Variants in EPHB1 observed in about 807,000 individuals in gnomAD.
EPHB1 encodes the protein EPH receptor B1.
A neutral mutation model predicts 94.4 loss-of-function variants in EPHB1; 30 were observed. The observed-to-expected ratio is 0.32, with a 90% CI of 0.24 to 0.43. EPHB1 has a LOEUF of 0.43. Among genes scored for constraint, EPHB1 ranks in the 20% least tolerant of loss-of-function variants. EPHB1 has a pLI of 1.00. For synonymous variants in EPHB1, 522 were observed against 489.1 expected (o/e 1.07, Z -0.89); for missense variants, 1,055 against 1,308.3 (o/e 0.81, Z 2.99).
At chr3:134,923,810 A>G (rs2107701180) in intron 1 of EPHB1, among the ~76,000 whole-genome samples, 1 of 152,252 alleles carries the variant, frequency 6.6e-6, no homozygotes, top group South Asian at 2.1e-4. Context: ...CTGCATTCAC[A>G]TCTCCTCCCT....
chr3:134,988,396 C>G (rs1174857227), intron 3 of EPHB1, among the ~76,000 whole-genome samples: 2 of 152,176 alleles, frequency 1.3e-5, no homozygotes, highest in East Asian at 3.8e-4. Context: ...TGTGCAGTCA[C>G]AGTCCTAAGC....
intron 13 of EPHB1, among the ~76,000 whole-genome samples, chr3:135,246,172 T>C (rs545820172): frequency 2.2e-4 from 34 of 152,168 alleles, no homozygotes; most frequent in African/African-American, 8.2e-4. Flanking sequence ...CTGGAAGACT[T>C]TGGGGACCCC....
chr3:134,980,255 C>T (rs1398727116), intron 3 of EPHB1, among the ~76,000 whole-genome samples: 4 of 152,060 alleles, frequency 2.6e-5, no homozygotes, highest in African/African-American at 7.2e-5. Flanking sequence ...CTTGAGCTTC[C>T]TCATAGCATG....
rs1388380041 is a variant in EPHB1 at position 134,978,013 on chromosome 3, A to G, written c.805+25961A>G. On this transcript the variant is annotated intron_variant, in intron 3 of 15. Coordinates refer to ENST00000398015, the MANE Select transcript of EPHB1 (RefSeq NM_004441.5). ...CCTTAGACAGCAGGATTGACATTGG[A>G]GGAGCCTGGTATTTCTGCCACACTC... The G allele has an allele frequency of 6.6e-6, 3 of 455,384 alleles. No individual in the cohort carries two copies. The Admixed American group carries it at 7.1e-5, about 11-fold the overall frequency. 28.2% of individuals were successfully genotyped at this position (455,384 alleles called of 1,614,324 possible). A position where few individuals can be genotyped will look rare whatever the true frequency, so the allele number is the denominator to read the frequency against.
At chr3:135,030,441 C>G (rs1324904623) in intron 3 of EPHB1, among the ~76,000 whole-genome samples, 1 of 152,190 alleles carries the variant, frequency 6.6e-6, no homozygotes, top group South Asian at 2.1e-4. Flanking sequence ...TTCCTTCTAA[C>G]AGACAGGACC....
chr3:135,059,799 C>G (rs562412693), intron 3 of EPHB1, among the ~76,000 whole-genome samples: 133 of 152,300 alleles, frequency 8.7e-4, no homozygotes, highest in African/African-American at 3.2e-3. Context: ...GATATGGGTT[C>G]TGACTCCAGT....
intron 1 of EPHB1, 79 bp downstream of exon 1, chr3:134,795,768 T>A: frequency 1.4e-6 from 2 of 1,477,330 alleles, no homozygotes; most frequent in Non-Finnish European, 1.9e-6. Context: ...TTCGCGGGGT[T>A]CCTCTGGCTG....
At chr3:135,203,516 AAG>A (rs1942813662) in intron 12 of EPHB1, among the ~76,000 whole-genome samples, 1 of 152,228 alleles carries the variant, frequency 6.6e-6, no homozygotes, top group African/African-American at 2.4e-5. Flanking sequence ...TTTGCCGGCT[AAG>A]AGGCAAAATG....
chr3:135,213,146 T>C (rs976966607), intron 12 of EPHB1, among the ~76,000 whole-genome samples: 1 of 152,250 alleles, frequency 6.6e-6, no homozygotes, highest in Non-Finnish European at 1.5e-5. Context: ...ATTCTCCACC[T>C]TGTTTTCCCC....
chr3:135,160,678 A>T (rs1941480833), intron 6 of EPHB1, among the ~76,000 whole-genome samples: 1 of 152,214 alleles, frequency 6.6e-6, no homozygotes, highest in East Asian at 1.9e-4. Context: ...TGCAAAGAAA[A>T]GATATGCTCC....
At chr3:134,940,527 T>C (rs1283963275) in intron 2 of EPHB1, among the ~76,000 whole-genome samples, 1 of 152,214 alleles carries the variant, frequency 6.6e-6, no homozygotes, top group Non-Finnish European at 1.5e-5. Context: ...GTAGCCACAC[T>C]GGCATCTTGG....
intron 1 of EPHB1, among the ~76,000 whole-genome samples, chr3:134,796,644 C>T (rs1455211445): frequency 1.3e-5 from 2 of 152,258 alleles, no homozygotes; most frequent in East Asian, 1.9e-4. Flanking sequence ...CCCCTTCCCC[C>T]GCCTCTGTTC....
chr3:135,109,980 A>G (rs1187435732), intron 4 of EPHB1, among the ~76,000 whole-genome samples: 2 of 152,200 alleles, frequency 1.3e-5, no homozygotes, highest in African/African-American at 4.8e-5. Context: ...TCGGAGGTGA[A>G]CAGCAATGTG....
At chr3:135,055,893 C>G (rs1163103687) in intron 3 of EPHB1, among the ~76,000 whole-genome samples, 1 of 152,176 alleles carries the variant, frequency 6.6e-6, no homozygotes, top group Non-Finnish European at 1.5e-5. Context: ...TGTATCTGTG[C>G]ACCTTCCTGT....
chr3:135,077,577 G>A (rs1281159567), intron 3 of EPHB1, among the ~76,000 whole-genome samples: 1 of 152,208 alleles, frequency 6.6e-6, no homozygotes, highest in Non-Finnish European at 1.5e-5. Context: ...CTAGGTAGGA[G>A]GAAGACGTGG....
chr3:134,847,460 A>G (rs920485995), intron 1 of EPHB1, among the ~76,000 whole-genome samples: 6 of 152,248 alleles, frequency 3.9e-5, no homozygotes, highest in African/African-American at 1.4e-4. Flanking sequence ...GGATTAAGTG[A>G]GATGCTGTGT....
chr3:134,855,596 A>C (rs1420059511), intron 1 of EPHB1, among the ~76,000 whole-genome samples: 3 of 152,232 alleles, frequency 2.0e-5, no homozygotes, highest in Non-Finnish European at 4.4e-5. Context: ...CTCCTGGTGC[A>C]GACTGAGCCA....
chr3:135,065,998 T>A (rs1937575808), intron 3 of EPHB1, among the ~76,000 whole-genome samples: 1 of 152,182 alleles, frequency 6.6e-6, no homozygotes, highest in Non-Finnish European at 1.5e-5. Context: ...GTGATAATTG[T>A]TTTGCTTGAG....
At chr3:135,217,871 C>A (rs1170134326) in intron 12 of EPHB1, among the ~76,000 whole-genome samples, 1 of 152,164 alleles carries the variant, frequency 6.6e-6, no homozygotes, top group Non-Finnish European at 1.5e-5. Flanking sequence ...CGGGTCGATC[C>A]ATCTGCCTGA....
Sources: gnomAD v4.1 joint callset for allele counts (sites outside exome capture counted in the v4.1 genomes callset) on GRCh38, gnomAD v4.1.1 for gene constraint, MANE v1.5 for transcripts, NCBI Gene and HGNC (gene_info 2026-07-23, HGNC 2026-07-21) for gene names.